The following VPS45 variants were observed in gnomAD, a reference collection of about 807,000 sequenced individuals.
VPS45 encodes vacuolar protein sorting-associated protein 45.
A neutral mutation model predicts 75.9 loss-of-function variants in VPS45; 35 were observed. The observed-to-expected ratio is 0.46, with a 90% CI of 0.35 to 0.61. The LOEUF is 0.61. VPS45 is among the 20% of genes least tolerant of loss of function. VPS45 has a pLI of 0.00. For missense variants in VPS45, 559 were observed against 685.9 expected (o/e 0.81, Z 2.07); for synonymous variants, 220 against 238.2 (o/e 0.92, Z 0.70).
intron 10 of VPS45, among the ~76,000 whole-genome samples, chr1:150,084,914 A>AT (rs58372980): frequency 2.5e-4 from 37 of 150,202 alleles, no homozygotes; most frequent in South Asian, 1.3e-3. Flanking sequence ...TCTAAGCATG[A>AT]TTTTTTTTTT....
chr1:150,107,539 T>C (rs1443182713), intron 13 of VPS45, among the ~76,000 whole-genome samples: 1 of 152,124 alleles, frequency 6.6e-6, no homozygotes, highest in African/African-American at 2.4e-5. Context: ...AGCCTTTTAT[T>C]CTCCAACTTT....
chr1:150,109,210 T>C (rs1657506941), intron 13 of VPS45: 1 of 152,226 alleles, frequency 6.6e-6, no homozygotes, highest in South Asian at 2.1e-4. Context: ...TTTGTATTTT[T>C]AGTAGAGCCT....
intron 10 of VPS45, among the ~76,000 whole-genome samples, chr1:150,088,434 A>AATATATATATATATAT (rs200780573): frequency 2.5e-4 from 31 of 125,528 alleles, no homozygotes; most frequent in Middle Eastern, 8.4e-3. Flanking sequence ...CTGAATAATA[A>AATATATATATATATAT]ATATATATAT....
intron 6 of VPS45, 92 bp downstream of exon 6, chr1:150,077,323 C>CTTGGTTGTA: frequency 1.4e-6 from 2 of 1,461,172 alleles, no homozygotes; most frequent in Non-Finnish European, 1.8e-6. Flanking sequence ...TATTTACAAC[C>CTTGGTTGTA]AAGGAGATGA....
intron 14 of VPS45, among the ~76,000 whole-genome samples, chr1:150,126,555 G>A (rs79011663): frequency 0.022 from 3,339 of 152,166 alleles, 45 homozygotes; most frequent in Middle Eastern, 0.051. Context: ...TGATGGAAAT[G>A]TTCTATATCT....
intron 14 of VPS45, among the ~76,000 whole-genome samples, chr1:150,124,547 TTTTTC>T (rs1201898048): frequency 3.1e-4 from 2 of 6,478 alleles, no homozygotes; most frequent in African/African-American, 6.9e-4. Context: ...CTTTTTTTCT[TTTTTC>T]TTTTTTTTTT....
chr1:150,116,183 A>G (rs1267504992), intron 14 of VPS45, among the ~76,000 whole-genome samples: 1 of 152,208 alleles, frequency 6.6e-6, no homozygotes, highest in Non-Finnish European at 1.5e-5. Flanking sequence ...CTCCATTTTG[A>G]ACATCAGTAG....
chr1:150,101,713 C>T (rs868936241), intron 13 of VPS45, among the ~76,000 whole-genome samples: 3 of 149,758 alleles, frequency 2.0e-5, no homozygotes, highest in South Asian at 2.1e-4. Flanking sequence ...CAGCTCTGGG[C>T]GACAGAGCAA....
At chr1:150,071,732 G>A (rs1553797068) in intron 2 of VPS45, among the ~76,000 whole-genome samples, 1 of 150,648 alleles carries the variant, frequency 6.6e-6, no homozygotes, top group Admixed American at 6.6e-5. Context: ...AGGTTACAGT[G>A]AGCCAAGATT....
chr1:150,130,757 G>T (rs587678096), intron 14 of VPS45, among the ~76,000 whole-genome samples: 1 of 152,190 alleles, frequency 6.6e-6, no homozygotes, highest in Admixed American at 6.5e-5. Context: ...AAACAGTACT[G>T]TAATAAACAT....
chr1:150,140,318 A>G (rs587613243), intron 14 of VPS45, among the ~76,000 whole-genome samples: 46 of 152,184 alleles, frequency 3.0e-4, no homozygotes, highest in Admixed American at 7.2e-4. Context: ...GAGGCAGTAT[A>G]GCATTATAGT....
chr1:150,100,323 G>C (rs975075278), intron 13 of VPS45, among the ~76,000 whole-genome samples: 1 of 152,148 alleles, frequency 6.6e-6, no homozygotes, highest in Non-Finnish European at 1.5e-5. Context: ...ACTGTTCAAA[G>C]AAATTAGAGA....
chr1:150,129,029 T>A (rs1658674075), intron 14 of VPS45, among the ~76,000 whole-genome samples: 1 of 152,120 alleles, frequency 6.6e-6, no homozygotes, highest in South Asian at 2.1e-4. Flanking sequence ...GGCAAAGAGA[T>A]TTTCTTTGAC....
chr1:150,075,575 TATTCTA>T (rs1553797898), intron 3 of VPS45, among the ~76,000 whole-genome samples: 1 of 152,182 alleles, frequency 6.6e-6, no homozygotes, highest in Admixed American at 6.5e-5. Flanking sequence ...AAAATGATGA[TATTCTA>T]ATTCTGTCAT....
intron 13 of VPS45, chr1:150,110,254 C>A: frequency 2.6e-6 from 1 of 389,480 alleles, no homozygotes; most frequent in African/African-American, 2.0e-5. Flanking sequence ...CTGAAATCCA[C>A]AGCACAGAAA....
chr1:150,083,085 C>A, intron 10 of VPS45: 1 of 509,112 alleles, frequency 2.0e-6, no homozygotes, highest in Non-Finnish European at 3.2e-6. Flanking sequence ...CCCAAGGGTT[C>A]AGTTAATTAG....
chr1:150,086,313 A>G (rs932828279), intron 10 of VPS45, among the ~76,000 whole-genome samples: 7 of 152,154 alleles, frequency 4.6e-5, no homozygotes, highest in African/African-American at 1.7e-4. Flanking sequence ...ATGAGCTAAT[A>G]CATGTAAAAC....
Position 150,077,151 on chromosome 1 carries a change from C to CT in VPS45, c.500dup (p.Leu167PhefsTer26). The stretch of plus-strand genomic sequence containing the variant: ...AACAACTCAAGGGCTTACAGCTCTC[C>CT]TTTTATCTCTGAAGAAGTGTCCCAT... On this transcript the variant is annotated frameshift_variant, in exon 6 of 15. Transcript: ENST00000644510. LOFTEE classifies it high-confidence loss of function. 1 of 1,614,100 alleles carries CT rather than the reference C, an allele frequency of 6.2e-7. No individual in the cohort carries two copies. The highest frequency in any genetic ancestry group is 1.1e-5 in the South Asian group (1 of 91,080).
chr1:150,095,475 TGG>T (rs1656571156), intron 13 of VPS45, among the ~76,000 whole-genome samples: 2 of 151,932 alleles, frequency 1.3e-5, no homozygotes, highest in Admixed American at 6.6e-5. Context: ...TAGCCTGGCG[TGG>T]GTAGCAGGCG....
Sources: allele counts gnomAD v4.1 joint callset (sites outside exome capture counted in the v4.1 genomes callset), GRCh38; gene constraint gnomAD v4.1.1; transcripts MANE v1.5; gene names NCBI Gene and HGNC (gene_info 2026-07-23, HGNC 2026-07-21).